CPA6: variants seen among roughly 807,000 people sequenced by gnomAD.
CPA6 encodes carboxypeptidase B.
In CPA6, 58 loss-of-function variants were observed where a neutral mutation model predicts 63.3. The observed-to-expected ratio is 0.92, with a 90% confidence interval of 0.74 to 1.14. The LOEUF (loss-of-function observed/expected upper bound fraction) is 1.14. Among genes scored for constraint, CPA6 ranks in the 50% most tolerant of loss-of-function variants. The pLI, the probability that CPA6 is intolerant of heterozygous loss-of-function variation, is 0.00. For missense variants in CPA6, 565 were observed against 526.6 expected (o/e 1.07, Z -0.71); for synonymous variants, 185 against 179.0 (o/e 1.03, Z -0.27).
At chr8:67,548,747 C>T (rs1201833394) in intron 2 of CPA6, among the ~76,000 whole-genome samples, 1 of 152,162 alleles carries the variant, frequency 6.6e-6, no homozygotes, top group Non-Finnish European at 1.5e-5. Context: ...AAATTCAGCT[C>T]AGGAACAGGG....
intron 2 of CPA6, among the ~76,000 whole-genome samples, chr8:67,589,159 C>A (rs1419081890): frequency 6.6e-6 from 1 of 151,302 alleles, no homozygotes; most frequent in Admixed American, 6.6e-5. Flanking sequence ...ATTATTGAGA[C>A]TTGGAAAGAA....
intron 2 of CPA6, among the ~76,000 whole-genome samples, chr8:67,560,782 C>G (rs1813190730): frequency 6.6e-6 from 1 of 152,160 alleles, no homozygotes; most frequent in South Asian, 2.1e-4. Context: ...CTCCCATTTC[C>G]TTTCGTAGTC....
At chr8:67,439,953 A>G (rs890164565) in intron 8 of CPA6, among the ~76,000 whole-genome samples, 8 of 152,304 alleles carry the variant, frequency 5.3e-5, no homozygotes, top group African/African-American at 1.9e-4. Flanking sequence ...AAAATAAAGA[A>G]GATCCATAGA....
intron 8 of CPA6, among the ~76,000 whole-genome samples, chr8:67,476,744 G>C (rs542079667): frequency 1.8e-4 from 27 of 152,268 alleles, no homozygotes; most frequent in African/African-American, 6.0e-4. Flanking sequence ...AAGTCAGTCA[G>C]ATTTGACTTT....
chr8:67,609,211 A>T (rs559065225), intron 2 of CPA6, among the ~76,000 whole-genome samples: 1 of 152,296 alleles, frequency 6.6e-6, no homozygotes, highest in East Asian at 1.9e-4. Flanking sequence ...CTGTTTTATT[A>T]AAGTTACCTG....
At chr8:67,580,104 G>A (rs1176133345) in intron 2 of CPA6, among the ~76,000 whole-genome samples, 1 of 152,178 alleles carries the variant, frequency 6.6e-6, no homozygotes, top group Non-Finnish European at 1.5e-5. Context: ...GTTGAGGACA[G>A]GAAAGAAGGG....
In CPA6 at chr8:67,449,521, G is replaced by T. The variant is rs556564784; in HGVS notation, c.839-15281C>A. Among the ~76,000 whole-genome samples the T allele has an allele frequency of 1.8e-4, 28 of 152,214 alleles. 1 individual carries two copies. In the East Asian group the frequency reaches 4.1e-3, roughly 22 times the overall value. ...ACAAAATCAAAAAAACCTTCATTGA[G>T]ATTCTAACTGGAATTGCATTCAATT... On this transcript the variant is annotated intron_variant, in intron 8 of 10. Transcript: ENST00000297770.
chr8:67,552,217 C>T (rs1812954082), intron 2 of CPA6, among the ~76,000 whole-genome samples: 1 of 152,204 alleles, frequency 6.6e-6, no homozygotes, highest in Non-Finnish European at 1.5e-5. Context: ...GCAGCATACA[C>T]ATCTAAGTAG....
chr8:67,736,700 T>C (rs775622935), intron 1 of CPA6, among the ~76,000 whole-genome samples: 5 of 152,204 alleles, frequency 3.3e-5, no homozygotes, highest in Admixed American at 6.5e-5. Flanking sequence ...AGAAATTCTA[T>C]TGACACATCA....
chr8:67,441,162 C>G, intron 8 of CPA6, among the ~76,000 whole-genome samples: 1 of 152,030 alleles, frequency 6.6e-6, no homozygotes. Context: ...CTCCAAGACA[C>G]CTGGATAAAA....
chr8:67,422,442 A>T lies in CPA6; in HGVS notation c.*62T>A. ...GCCCTTCTCTTTGAAAACAATTTCT[A>T]TCCAGGGCCAAGTAGGCCTTGCTCA... On this transcript the variant is annotated 3_prime_UTR_variant, in exon 11 of 11. Transcript: ENST00000297770. 1.4e-6 allele frequency: 2 copies of T among 1,443,936 alleles called. No homozygotes were observed. Among genetic ancestry groups the T allele is most frequent in the Non-Finnish European group, 1.9e-6 (2 of 1,049,730 alleles). The allele number at this position is 1,443,936 out of a possible 1,614,324, so 89.4% of individuals were successfully genotyped here. A position where few individuals can be genotyped will look rare whatever the true frequency, so the allele number is the denominator to read the frequency against.
At chr8:67,588,640 A>G (rs890955719) in intron 2 of CPA6, among the ~76,000 whole-genome samples, 1 of 152,208 alleles carries the variant, frequency 6.6e-6, no homozygotes, top group African/African-American at 2.4e-5. Flanking sequence ...AAATAGCTAT[A>G]TCTTTTTTAA....
chr8:67,647,207 G>C (rs879452606), intron 1 of CPA6, among the ~76,000 whole-genome samples: 2 of 152,154 alleles, frequency 1.3e-5, no homozygotes, highest in African/African-American at 2.4e-5. Flanking sequence ...AGGAAAAGAG[G>C]AGTTACAGAG....
chr8:67,616,295 T>C (rs879409114), intron 2 of CPA6, among the ~76,000 whole-genome samples: 6 of 152,148 alleles, frequency 3.9e-5, no homozygotes, highest in Non-Finnish European at 8.8e-5. Context: ...GTGACTTGGT[T>C]AGTTTTTCAT....
At chr8:67,541,692 T>C (rs1271850826) in intron 2 of CPA6, among the ~76,000 whole-genome samples, 1 of 152,182 alleles carries the variant, frequency 6.6e-6, no homozygotes, top group African/African-American at 2.4e-5. Flanking sequence ...AGGGGTTTTG[T>C]CTGCGGCTTG....
intron 2 of CPA6, among the ~76,000 whole-genome samples, chr8:67,552,900 T>C (rs1812982248): frequency 6.6e-6 from 1 of 152,034 alleles, no homozygotes; most frequent in Admixed American, 6.5e-5. Flanking sequence ...ATTTGTACAG[T>C]TGCATTTTTG....
intron 1 of CPA6, among the ~76,000 whole-genome samples, chr8:67,660,201 C>A (rs972250979): frequency 3.3e-5 from 5 of 151,780 alleles, no homozygotes; most frequent in African/African-American, 1.2e-4. Context: ...TAAATTTGGG[C>A]AGATTTTTTG....
intron 2 of CPA6, among the ~76,000 whole-genome samples, chr8:67,569,212 T>C (rs996803242): frequency 1.3e-5 from 2 of 152,162 alleles, no homozygotes; most frequent in African/African-American, 4.8e-5. Flanking sequence ...AAGACAGAGT[T>C]CTGAGAGCAG....
At chr8:67,727,878 A>G (rs1817628560) in intron 1 of CPA6, among the ~76,000 whole-genome samples, 2 of 152,152 alleles carry the variant, frequency 1.3e-5, no homozygotes, top group Non-Finnish European at 2.9e-5. Flanking sequence ...GGAGATCGAG[A>G]CCATCCTGGC....
Sources: allele counts gnomAD v4.1 joint callset (sites outside exome capture counted in the v4.1 genomes callset), GRCh38; gene constraint gnomAD v4.1.1; transcripts MANE v1.5; gene names NCBI Gene and HGNC (gene_info 2026-07-23, HGNC 2026-07-21).